The following KCNG3 variants were observed in gnomAD, a reference collection of about 807,000 sequenced individuals.
The protein encoded by KCNG3 is voltage-gated potassium channel regulatory subunit KCNG3.
A neutral mutation model predicts 29.0 loss-of-function variants in KCNG3; 15 were observed. That is an observed-to-expected ratio of 0.52 (90% CI 0.35 to 0.80). The LOEUF (loss-of-function observed/expected upper bound fraction) is 0.80, where lower values mean the gene tolerates loss of function less well. Among genes scored for constraint, KCNG3 ranks in the 30% least tolerant of loss-of-function variants. KCNG3 has a pLI of 0.01. For synonymous variants in KCNG3, 322 were observed against 248.9 expected, an observed-to-expected ratio of 1.29 and a Z score of -2.76; for missense variants, 512 against 605.7, an observed-to-expected ratio of 0.85 and a Z score of 1.62.
chr2:42,468,200 C>A (rs1673191612), intron 1 of KCNG3, among the ~76,000 whole-genome samples: 1 of 152,122 alleles, frequency 6.6e-6, no homozygotes, highest in Non-Finnish European at 1.5e-5. Context: ...TGCAGCAAGA[C>A]AAAGGTATTA....
At chr2:42,457,932 A>G (rs1408679900) in intron 1 of KCNG3, among the ~76,000 whole-genome samples, 1 of 152,126 alleles carries the variant, frequency 6.6e-6, no homozygotes, top group African/African-American at 2.4e-5. Context: ...AACTAGCCTG[A>G]GCAATATAGT....
At chr2:42,490,889 T>C (rs530346045) in intron 1 of KCNG3, among the ~76,000 whole-genome samples, 1 of 152,334 alleles carries the variant, frequency 6.6e-6, no homozygotes, top group East Asian at 1.9e-4. Context: ...GGGCCCTCTC[T>C]GTTGAAGGGC....
At chr2:42,470,211 T>A in intron 1 of KCNG3, 1 of 419,712 alleles carries the variant, frequency 2.4e-6, no homozygotes, top group Non-Finnish European at 4.6e-6. Context: ...ACAAAGCGAG[T>A]CCTCCCTCCC....
At chr2:42,449,601 T>TCC (rs1457542585) in intron 1 of KCNG3, among the ~76,000 whole-genome samples, 2 of 136,466 alleles carry the variant, frequency 1.5e-5, no homozygotes, top group Non-Finnish European at 3.1e-5. Flanking sequence ...CACTGCAACC[T>TCC]CCACCTCCCG....
chr2:42,483,490 TGGGAG>T (rs1269611900), intron 1 of KCNG3, among the ~76,000 whole-genome samples: 17 of 152,070 alleles, frequency 1.1e-4, no homozygotes, highest in Non-Finnish European at 8.8e-5. Context: ...CAGAGTAGAG[TGGGAG>T]CATGGGAATC....
intron 1 of KCNG3, among the ~76,000 whole-genome samples, chr2:42,478,773 C>T (rs1572861580): frequency 6.6e-6 from 1 of 152,062 alleles, no homozygotes; most frequent in Non-Finnish European, 1.5e-5. Flanking sequence ...CTTGGTTATG[C>T]CTCAAGAGTT....
Position 42,444,395 on chromosome 2 carries a change from C to A in KCNG3, c.850G>T (p.Ala284Ser). Residue 284 changes from alanine (A) to serine (S), a missense_variant, in exon 2 of 2, where the codon GCT becomes TCT. Physicochemically the swap from Ala to Ser is moderately conservative, Grantham distance 99. Transcript: ENST00000306078. The surrounding 1 kb of genome is among the most constrained non-coding windows in gnomAD (Gnocchi z 5.8). ...FTGENSQLQR[A>S]GVTLRVLRMM... ...CTAAGTACCCTCAAGGTGACTCCAG[C>A]CCTCTGGAGTTGAGAGTTCTCGCCT... The A allele has an allele frequency of 1.2e-6, 2 of 1,613,942 alleles. No homozygotes were observed. Among genetic ancestry groups the A allele is most frequent in the Non-Finnish European group, 1.7e-6 (2 of 1,179,826 alleles).
the KCNG3 span, among the ~76,000 whole-genome samples, chr2:42,417,509 C>T: frequency 6.6e-6 from 1 of 151,944 alleles, no homozygotes; most frequent in African/African-American, 2.4e-5. Context: ...TTTCTAGAGA[C>T]AGGGGTTTCA....
chr2:42,463,690 C>A, intron 1 of KCNG3: 1 of 182,632 alleles, frequency 5.5e-6, no homozygotes, highest in South Asian at 1.2e-4. Flanking sequence ...CATTAGGTGA[C>A]AAGCGATGAA....
Position 42,444,107 on chromosome 2 carries a change from ACATATCTC to A in KCNG3, c.1130_1137del (p.Gly377ValfsTer32). The A allele has an allele frequency of 1.9e-6, 3 of 1,614,214 alleles. No homozygotes were observed. Among genetic ancestry groups the A allele is most frequent in the Non-Finnish European group, 2.5e-6 (3 of 1,180,034 alleles). On this transcript the variant is annotated frameshift_variant, in exon 2 of 2. Coordinates refer to ENST00000306078, the MANE Select transcript of KCNG3 (RefSeq NM_133329.6). LOFTEE classifies it high-confidence loss of function. This position sits in a 1 kb window ranked among gnomAD's most constrained non-coding sequence, Gnocchi z 5.8. Reference sequence around the variant, plus strand: ...ATTCTTCCAGGCACTGTGATAGGATACATATCTCCATAGCCAACTGTAGTCATAGAGAT... The same window carrying A: ...ATTCTTCCAGGCACTGTGATAGGATACATAGCCAACTGTAGTCATAGAGAT...
At chr2:42,492,779 A>G in intron 1 of KCNG3, 58 bp downstream of exon 1, 6 of 1,365,200 alleles carry the variant, frequency 4.4e-6, no homozygotes, top group Non-Finnish European at 5.7e-6. Context: ...GGACGTATGG[A>G]CGGGACGGAC....
intron 1 of KCNG3, among the ~76,000 whole-genome samples, chr2:42,455,275 T>C (rs963549582): frequency 2.0e-5 from 3 of 152,200 alleles, no homozygotes; most frequent in Admixed American, 6.5e-5. Flanking sequence ...CAAGTTGGAC[T>C]GCTCAGCCAC....
chr2:42,412,523 G>A, the KCNG3 span, among the ~76,000 whole-genome samples: 1 of 152,092 alleles, frequency 6.6e-6, no homozygotes, highest in Non-Finnish European at 1.5e-5. Flanking sequence ...CATTATGATT[G>A]TAAATTTGTC....
At chr2:42,445,440 G>T (rs529144630) in intron 1 of KCNG3, among the ~76,000 whole-genome samples, 1 of 152,108 alleles carries the variant, frequency 6.6e-6, no homozygotes, top group Non-Finnish European at 1.5e-5. Flanking sequence ...CTGGCACCGA[G>T]CAAGTTTATG....
chr2:42,452,723 G>A (rs1329072487), intron 1 of KCNG3, among the ~76,000 whole-genome samples: 1 of 151,964 alleles, frequency 6.6e-6, no homozygotes, highest in Admixed American at 6.6e-5. Context: ...TGGCTGAATA[G>A]TACTCCATTG....
the KCNG3 span, among the ~76,000 whole-genome samples, chr2:42,435,688 G>A: frequency 6.6e-6 from 1 of 152,002 alleles, no homozygotes; most frequent in Non-Finnish European, 1.5e-5. Flanking sequence ...ATAATCACAG[G>A]GAGATAACCA....
the KCNG3 span, among the ~76,000 whole-genome samples, chr2:42,403,477 G>GTTTTTTTTTTTTTTTTTTT: frequency 1.1e-5 from 1 of 87,762 alleles, no homozygotes; most frequent in Non-Finnish European, 2.2e-5. Flanking sequence ...TTTCTTTTCT[G>GTTTTTTTTTTTTTTTTTTT]TTTTTTTTTT....
chr2:42,420,444 A>C, the KCNG3 span, among the ~76,000 whole-genome samples: 6 of 152,180 alleles, frequency 3.9e-5, no homozygotes, highest in Admixed American at 6.5e-5. Context: ...GAAGTGCACT[A>C]GAAAGGCTAG....
the KCNG3 span, among the ~76,000 whole-genome samples, chr2:42,398,331 G>C: frequency 6.6e-6 from 1 of 151,898 alleles, no homozygotes; most frequent in African/African-American, 2.4e-5. Flanking sequence ...AGTGCTTTTT[G>C]CCATGGTTGC....
Sources: allele counts gnomAD v4.1 joint callset (sites outside exome capture counted in the v4.1 genomes callset), GRCh38; gene constraint gnomAD v4.1.1; non-coding constraint Gnocchi (gnomAD v3.1); transcripts MANE v1.5; gene names NCBI Gene and HGNC (gene_info 2026-07-23, HGNC 2026-07-21).